Variants in SAMD3 observed in about 807,000 individuals in gnomAD.
The protein encoded by SAMD3 is sterile alpha motif domain containing 3.
Under a neutral mutation model 58.5 loss-of-function variants are expected in SAMD3, and 63 were observed. The observed-to-expected ratio is 1.08, with a 90% CI of 0.88 to 1.33. The LOEUF (loss-of-function observed/expected upper bound fraction) is 1.33. Among genes scored for constraint, SAMD3 ranks in the 40% most tolerant of loss-of-function variants. The pLI is 0.00. For synonymous variants in SAMD3, 220 were observed against 210.3 expected, an observed-to-expected ratio of 1.05 and a Z score of -0.40; for missense variants, 604 against 608.4, an observed-to-expected ratio of 0.99 and a Z score of 0.08.
intron 2 of SAMD3, among the ~76,000 whole-genome samples, chr6:130,287,027 A>G (rs1775180059): frequency 6.6e-6 from 1 of 151,780 alleles, no homozygotes; most frequent in East Asian, 1.9e-4. Flanking sequence ...ATCTTTCAAA[A>G]TCTCTCCTTC....
At chr6:130,344,702 T>C (rs1259468226) in intron 1 of SAMD3, among the ~76,000 whole-genome samples, 2 of 151,794 alleles carry the variant, frequency 1.3e-5, no homozygotes, top group Non-Finnish European at 2.9e-5. Context: ...CCCTGGCTTG[T>C]AACAGGGAAT....
At position 130,204,672 on chromosome 6, in the gene SAMD3, C is replaced by T. The variant is rs77245127; in HGVS notation, c.383+4823G>A. ...AATGTGCCACAGCACTCTAGTGTTTCCTTGGACACCCAATTCACCCACTGG... is the reference window on the plus strand; with the variant it reads ...AATGTGCCACAGCACTCTAGTGTTTTCTTGGACACCCAATTCACCCACTGG... On this transcript the variant is annotated intron_variant, in intron 5 of 11. Transcript: ENST00000439090. Among the ~76,000 whole-genome samples, 3 of 151,354 alleles carry T rather than the reference C, an allele frequency of 2.0e-5. No homozygotes were observed. In the East Asian group the frequency reaches 5.8e-4, roughly 29 times the overall value.
At chr6:130,227,158 A>AT (rs1226395475), upstream of SAMD3, among the ~76,000 whole-genome samples, 1 of 152,068 alleles carries the variant, frequency 6.6e-6, no homozygotes, top group Non-Finnish European at 1.5e-5. Flanking sequence ...GATGACCATT[A>AT]TTTTGCTTTC....
At chr6:130,300,975 C>T (rs1026861183) in intron 2 of SAMD3, among the ~76,000 whole-genome samples, 1 of 152,094 alleles carries the variant, frequency 6.6e-6, no homozygotes, top group Non-Finnish European at 1.5e-5. Context: ...CCCTCAGCCC[C>T]CCACCTCCAA....
chr6:130,185,188 G>C (rs1015805018), intron 5 of SAMD3, among the ~76,000 whole-genome samples: 2 of 152,084 alleles, frequency 1.3e-5, no homozygotes, highest in Non-Finnish European at 2.9e-5. Flanking sequence ...TTCTATGAAG[G>C]GCTACAGAAA....
At chr6:130,217,041 T>C (rs1796041490) in intron 1 of SAMD3, among the ~76,000 whole-genome samples, 2 of 152,218 alleles carry the variant, frequency 1.3e-5, no homozygotes, top group Non-Finnish European at 1.5e-5. Context: ...GAAATGATCA[T>C]GTATTTTTAA....
chr6:130,333,486 T>A (rs1406704792), intron 1 of SAMD3, among the ~76,000 whole-genome samples: 5 of 152,166 alleles, frequency 3.3e-5, no homozygotes. Flanking sequence ...TCATAACCCT[T>A]TTCTGAATGA....
intron 1 of SAMD3, among the ~76,000 whole-genome samples, chr6:130,343,707 G>A (rs372574779): frequency 7.2e-5 from 11 of 152,328 alleles, no homozygotes; most frequent in East Asian, 5.8e-4. Context: ...GCTCAGGCCT[G>A]TAATCCCAGC....
chr6:130,305,608 T>A (rs1775888530), intron 2 of SAMD3, among the ~76,000 whole-genome samples: 1 of 152,214 alleles, frequency 6.6e-6, no homozygotes, highest in African/African-American at 2.4e-5. Flanking sequence ...ATTTTAGTCA[T>A]GAATGGATAT....
At chr6:130,245,429 G>C (rs1174390838) in intron 2 of SAMD3, among the ~76,000 whole-genome samples, 1 of 152,222 alleles carries the variant, frequency 6.6e-6, no homozygotes, top group African/African-American at 2.4e-5. Context: ...GGGAAGGAAA[G>C]TGTGCTCTCT....
chr6:130,224,592 T>TTA (rs1186176547), upstream of SAMD3, among the ~76,000 whole-genome samples: 2 of 143,878 alleles, frequency 1.4e-5, no homozygotes, highest in Admixed American at 7.0e-5. Flanking sequence ...ACTCTATTTA[T>TTA]TTATTATTAT....
chr6:130,250,844 T>C (rs980902539), intron 2 of SAMD3, among the ~76,000 whole-genome samples: 1 of 152,214 alleles, frequency 6.6e-6, no homozygotes, highest in Non-Finnish European at 1.5e-5. Context: ...ATTTATCTGT[T>C]GATGGATTTG....
At chr6:130,206,239 G>A (rs1795072100) in intron 5 of SAMD3, among the ~76,000 whole-genome samples, 1 of 152,212 alleles carries the variant, frequency 6.6e-6, no homozygotes, top group South Asian at 2.1e-4. Flanking sequence ...TCAGTTGGCT[G>A]GGAGGACCTG....
intron 2 of SAMD3, among the ~76,000 whole-genome samples, chr6:130,291,760 T>C (rs1182990964): frequency 6.6e-6 from 1 of 152,220 alleles, no homozygotes; most frequent in East Asian, 1.9e-4. Flanking sequence ...GTGACATAAG[T>C]GTATATTTAA....
intron 9 of SAMD3, among the ~76,000 whole-genome samples, chr6:130,153,909 T>C (rs1008015068): frequency 2.0e-5 from 3 of 151,720 alleles, no homozygotes; most frequent in African/African-American, 7.3e-5. Context: ...ACTCCTGGGC[T>C]CAAGCAATCC....
intron 4 of SAMD3, among the ~76,000 whole-genome samples, chr6:130,212,737 A>G (rs1339163215): frequency 1.3e-5 from 2 of 152,202 alleles, no homozygotes; most frequent in African/African-American, 4.8e-5. Flanking sequence ...TGGAAACAAG[A>G]CTGCCTGTTT....
upstream of SAMD3, among the ~76,000 whole-genome samples, chr6:130,225,569 G>A (rs74352680): frequency 0.043 from 6,575 of 152,210 alleles, 458 homozygotes; most frequent in African/African-American, 0.15. Context: ...ATAGCACATA[G>A]CTTTCCTCTT....
chr6:130,143,001 GTTAC>G (rs894728669), downstream of SAMD3: 2 of 152,190 alleles, frequency 1.3e-5, no homozygotes, highest in Non-Finnish European at 2.9e-5. Flanking sequence ...GTGCCAAATT[GTTAC>G]TTACTCTGCC....
intron 2 of SAMD3, among the ~76,000 whole-genome samples, chr6:130,276,848 G>A (rs1774793571): frequency 6.6e-6 from 1 of 152,098 alleles, no homozygotes; most frequent in Admixed American, 6.5e-5. Context: ...CTAGGGAATG[G>A]GTGCTGCTGA....
Sources: gnomAD v4.1 joint callset for allele counts (sites outside exome capture counted in the v4.1 genomes callset) on GRCh38, gnomAD v4.1.1 for gene constraint, MANE v1.5 for transcripts, NCBI Gene and HGNC (gene_info 2026-07-23, HGNC 2026-07-21) for gene names.